The following KLHL14 variants were observed in gnomAD, a reference collection of about 807,000 sequenced individuals.
The protein encoded by KLHL14 is kelch-like protein 14.
In KLHL14, 22 loss-of-function variants were observed where a neutral mutation model predicts 64.3. The observed-to-expected ratio is 0.34, with a 90% CI of 0.24 to 0.49. The LOEUF (loss-of-function observed/expected upper bound fraction) is 0.49. KLHL14 is among the 20% of genes least tolerant of loss of function. The pLI is 0.99. For missense variants in KLHL14, 661 were observed against 789.0 expected (o/e 0.84, Z 1.94); for synonymous variants, 322 against 333.4 (o/e 0.97, Z 0.37).
intron 8 of KLHL14, among the ~76,000 whole-genome samples, chr18:32,675,409 T>TA (rs1309916360): frequency 1.3e-5 from 2 of 152,108 alleles, no homozygotes; most frequent in Non-Finnish European, 2.9e-5. Context: ...TGGTTTAAGT[T>TA]AAAAAAGAAA....
chr18:32,729,662 A>T (rs566353331), intron 3 of KLHL14, among the ~76,000 whole-genome samples: 3 of 152,034 alleles, frequency 2.0e-5, no homozygotes, highest in Non-Finnish European at 4.4e-5. Context: ...CTATTTCTAA[A>T]TAAGGCCACA....
At chr18:32,707,483 G>A (rs554512435) in intron 3 of KLHL14, among the ~76,000 whole-genome samples, 95 of 152,348 alleles carry the variant, frequency 6.2e-4, no homozygotes, top group Non-Finnish European at 1.2e-3. Context: ...TGAGATTTCA[G>A]GAGCATTCCC....
intron 3 of KLHL14, among the ~76,000 whole-genome samples, chr18:32,712,835 G>A (rs12970122): frequency 0.24 from 36,472 of 151,934 alleles, 4,594 homozygotes; most frequent in Middle Eastern, 0.32. Context: ...GTCACTTCTC[G>A]ATGCTCATCT....
At chr18:32,714,887 C>T (rs71366354) in intron 3 of KLHL14, among the ~76,000 whole-genome samples, 36,297 of 146,664 alleles carry the variant, frequency 0.25, 4,557 homozygotes, top group Middle Eastern at 0.33. Context: ...TCTGGTGGTC[C>T]TTTTTTTTTT....
chr18:32,703,967 T>G (rs2076366793), intron 3 of KLHL14, among the ~76,000 whole-genome samples: 2 of 152,142 alleles, frequency 1.3e-5, no homozygotes, highest in African/African-American at 4.8e-5. Context: ...CTCTAGAGCT[T>G]TGATGACTGC....
intron 7 of KLHL14, among the ~76,000 whole-genome samples, chr18:32,679,330 C>T (rs1019509846): frequency 3.9e-5 from 6 of 152,108 alleles, no homozygotes; most frequent in African/African-American, 1.4e-4. Context: ...CACACATGTG[C>T]GTTATCTACC....
intron 2 of KLHL14, among the ~76,000 whole-genome samples, chr18:32,753,422 A>C (rs2144541944): frequency 7.0e-6 from 1 of 143,280 alleles, no homozygotes; most frequent in African/African-American, 2.6e-5. Flanking sequence ...TTCACTTCTC[A>C]TCCCGCCCCT....
chr18:32,721,099 C>T (rs984294483), intron 3 of KLHL14, among the ~76,000 whole-genome samples: 1 of 152,234 alleles, frequency 6.6e-6, no homozygotes, highest in African/African-American at 2.4e-5. Context: ...AGGCTGTTGA[C>T]TCCCACATGG....
In KLHL14 at chr18:32,770,366, C is replaced by A; in HGVS notation, c.226G>T (p.Asp76Tyr). 6.3e-7 allele frequency: 1 copy of A among 1,587,048 alleles called. No individual in the cohort carries two copies. Among genetic ancestry groups the A allele is most frequent in the South Asian group, 1.2e-5 (1 of 86,828 alleles). ...TGGTCCTTGGGGGCCCCCAGGCCGTCCTGGCCGCCGACCCCTCCCCCGAGA... is the reference window on the plus strand; with the variant it reads ...TGGTCCTTGGGGGCCCCCAGGCCGTACTGGCCGCCGACCCCTCCCCCGAGA... ...PPLGGGVGGQ[D>Y]GLGAPKDQQQ... Residue 76 changes from aspartate to tyrosine, a missense_variant, in exon 2 of 9, where the codon GAC (aspartate) becomes TAC (tyrosine). By Grantham distance (160) the Asp-to-Tyr change is radical. Around this residue, in one of 2 missense-constraint regions of KLHL14, gnomAD observed 331 missense variants for 339.0 expected, o/e 0.98. Transcript: ENST00000359358. The surrounding 1 kb of genome is among the most constrained non-coding windows in gnomAD (Gnocchi z 6.7).
At chr18:32,765,451 T>C (rs2050337048) in intron 2 of KLHL14, among the ~76,000 whole-genome samples, 1 of 152,200 alleles carries the variant, frequency 6.6e-6, no homozygotes, top group South Asian at 2.1e-4. Flanking sequence ...ACTATTTGAC[T>C]CCCATATCGG....
chr18:32,676,742 G>A (rs1039539920), intron 8 of KLHL14, among the ~76,000 whole-genome samples: 70 of 152,052 alleles, frequency 4.6e-4, no homozygotes, highest in Non-Finnish European at 7.9e-4. Context: ...AAAATTTCAC[G>A]ATAAAGAGGG....
intron 2 of KLHL14, among the ~76,000 whole-genome samples, chr18:32,747,581 G>A (rs979182265): frequency 6.6e-6 from 1 of 152,168 alleles, no homozygotes; most frequent in Non-Finnish European, 1.5e-5. Flanking sequence ...GAGCTCAGGT[G>A]GTAATGCAAG....
At chr18:32,678,567 T>A (rs1187210708) in intron 7 of KLHL14, among the ~76,000 whole-genome samples, 1 of 152,210 alleles carries the variant, frequency 6.6e-6, no homozygotes. Context: ...GAATGAGCAC[T>A]TGGGCAAATT....
At chr18:32,692,392 A>G (rs2049911951) in intron 4 of KLHL14, among the ~76,000 whole-genome samples, 1 of 152,218 alleles carries the variant, frequency 6.6e-6, no homozygotes, top group South Asian at 2.1e-4. Context: ...GACATACATA[A>G]CATCCGAACC....
At position 32,674,364 on chromosome 18, in the gene KLHL14, T is replaced by A. The variant is rs372866999; in HGVS notation, c.*293A>T. ...GCCAGTCTTCTGTATTTTATCTTTC[T>A]CCTTTTGCAAGTTAAGATTCACATG... On this transcript the variant is annotated 3_prime_UTR_variant, in exon 9 of 9. Coordinates refer to ENST00000359358, the MANE Select transcript of KLHL14 (RefSeq NM_020805.3). 8.7e-5 allele frequency: 27 copies of A among 311,586 alleles called. No individual in the cohort carries two copies. The highest frequency in any genetic ancestry group is 4.3e-4 in the East Asian group (8 of 18,748). The allele number at this position is 311,586 out of a possible 1,614,324, so 19.3% of individuals were successfully genotyped here. A position where few individuals can be genotyped will look rare whatever the true frequency, so the allele number is the denominator to read the frequency against.
At chr18:32,681,613 G>A (rs961717940) in intron 5 of KLHL14, among the ~76,000 whole-genome samples, 1 of 151,960 alleles carries the variant, frequency 6.6e-6, no homozygotes, top group African/African-American at 2.4e-5. Flanking sequence ...GAAAACATGT[G>A]GTCCAATATT....
rs769463130 is a variant in KLHL14 at position 32,770,653 on chromosome 18, G to C, written c.-43-19C>G. The C allele has an allele frequency of 4.3e-5, 50 of 1,165,818 alleles. No homozygotes were observed. Among genetic ancestry groups the C allele is most frequent in the Non-Finnish European group, 5.6e-5 (49 of 882,106 alleles). The allele number at this position is 1,165,818 out of a possible 1,614,324, so 72.2% of individuals were successfully genotyped here. On this transcript the variant is annotated intron_variant, in intron 1 of 8. Coordinates refer to ENST00000359358, the MANE Select transcript of KLHL14 (RefSeq NM_020805.3). This position sits in a 1 kb window ranked among gnomAD's most constrained non-coding sequence, Gnocchi z 6.7. ...CTCCAACCTGGCAGACAGGGGTGGG[G>C]GATGGGAGGGAGGGGAGCAGGGTGG...
intron 2 of KLHL14, among the ~76,000 whole-genome samples, chr18:32,750,329 T>C (rs1307181788): frequency 6.6e-6 from 1 of 152,104 alleles, no homozygotes; most frequent in Non-Finnish European, 1.5e-5. Flanking sequence ...CTGGGTTACA[T>C]AGGAATAAAA....
chr18:32,710,953 T>C (rs1228013580), intron 3 of KLHL14, among the ~76,000 whole-genome samples: 2 of 151,824 alleles, frequency 1.3e-5, no homozygotes, highest in African/African-American at 4.8e-5. Flanking sequence ...ATGGTGGAGG[T>C]CCCTGAATTC....
Sources: allele counts gnomAD v4.1 joint callset (sites outside exome capture counted in the v4.1 genomes callset), GRCh38; gene constraint gnomAD v4.1.1; regional missense constraint gnomAD v4.1.1; non-coding constraint Gnocchi (gnomAD v3.1); transcripts MANE v1.5; gene names NCBI Gene and HGNC (gene_info 2026-07-23, HGNC 2026-07-21).